The following PLEKHA6 variants were observed in gnomAD, a reference collection of about 807,000 sequenced individuals.
PLEKHA6 encodes pleckstrin homology domain-containing family A member 6.
A neutral mutation model predicts 116.7 loss-of-function variants in PLEKHA6; 60 were observed. That is an observed-to-expected ratio of 0.51 (90% CI 0.42 to 0.64). The LOEUF (loss-of-function observed/expected upper bound fraction) is 0.64. PLEKHA6 is among the 30% of genes least tolerant of loss of function. The probability of loss-of-function intolerance (pLI) is 0.00; values close to 1 mark genes in which losing one functional copy is unlikely to be tolerated. For synonymous variants in PLEKHA6, 489 were observed against 556.1 expected (o/e 0.88, Z 1.70); for missense variants, 1,338 against 1,422.7 (o/e 0.94, Z 0.96).
intron 1 of PLEKHA6, among the ~76,000 whole-genome samples, chr1:204,342,742 G>A (rs1237948512): frequency 5.3e-5 from 8 of 152,298 alleles, no homozygotes; most frequent in South Asian, 4.1e-4. Context: ...TATAGCCTGG[G>A]AACTTGGAGA....
At chr1:204,281,367 T>C (rs571256676) in intron 1 of PLEKHA6, among the ~76,000 whole-genome samples, 123 of 151,432 alleles carry the variant, frequency 8.1e-4, no homozygotes, top group Non-Finnish European at 1.0e-3. Flanking sequence ...CTACTAAAAA[T>C]ACAAAAAATT....
At chr1:204,360,827 G>A (rs1387225451), upstream of PLEKHA6, among the ~76,000 whole-genome samples, 2 of 152,154 alleles carry the variant, frequency 1.3e-5, no homozygotes, top group African/African-American at 4.8e-5. Flanking sequence ...CAGGATCAGA[G>A]GCAGAAGGAA....
chr1:204,259,245 C>T lies in PLEKHA6; in HGVS notation c.1007+13G>A, dbSNP rs545920110. ...ACCATATCAGCCCCACCCCAGCCGC[C>T]GGCATGCCTCACCTCCGAAGGTCTT... On this transcript the variant is annotated intron_variant, in intron 8 of 22. Transcript: ENST00000272203. This position sits in a 1 kb window ranked among gnomAD's most constrained non-coding sequence, Gnocchi z 4.6. 9.8e-5 allele frequency: 158 copies of T among 1,610,918 alleles called. No individual in the cohort carries two copies. The highest frequency in any genetic ancestry group is 1.3e-4 in the Admixed American group (8 of 59,932).
chr1:204,336,293 G>C (rs1250677193), intron 1 of PLEKHA6, among the ~76,000 whole-genome samples: 5 of 152,206 alleles, frequency 3.3e-5, no homozygotes, highest in Admixed American at 3.3e-4. Flanking sequence ...TGGTCTCCCT[G>C]CTCCCCGCAA....
intron 1 of PLEKHA6, among the ~76,000 whole-genome samples, chr1:204,355,730 A>G (rs1286359760): frequency 6.6e-6 from 1 of 152,080 alleles, no homozygotes; most frequent in Non-Finnish European, 1.5e-5. Context: ...ATGAGCCACT[A>G]TTCCTGGCCA....
intron 1 of PLEKHA6, among the ~76,000 whole-genome samples, chr1:204,337,714 C>T (rs984262290): frequency 6.8e-6 from 1 of 146,262 alleles, no homozygotes; most frequent in African/African-American, 2.8e-5. Flanking sequence ...CGGTCTCTCA[C>T]TTGGGGGGGG....
At chr1:204,299,759 T>C (rs1320242620) in intron 1 of PLEKHA6, 2 of 333,392 alleles carry the variant, frequency 6.0e-6, no homozygotes, top group African/African-American at 4.5e-5. Context: ...CATGAGCTAA[T>C]GTCCCCTTTA....
At chr1:204,332,530 C>T (rs191695321) in intron 1 of PLEKHA6, among the ~76,000 whole-genome samples, 339 of 152,280 alleles carry the variant, frequency 2.2e-3, no homozygotes, top group African/African-American at 7.7e-3. Context: ...TACAGGAACG[C>T]GCCACCATGC....
chr1:204,375,927 T>TTTTTTTTTTTTTTTTTGAGACG (rs1405738876), intron 1 of PLEKHA6, among the ~76,000 whole-genome samples: 4 of 150,692 alleles, frequency 2.7e-5, no homozygotes, highest in South Asian at 2.1e-4. Flanking sequence ...CTTTCACTCT[T>TTTTTTTTTTTTTTTTTGAGACG]GTCTCTCCTC....
At chr1:204,335,501 C>T (rs1290435934) in intron 1 of PLEKHA6, among the ~76,000 whole-genome samples, 1 of 152,242 alleles carries the variant, frequency 6.6e-6, no homozygotes, top group Non-Finnish European at 1.5e-5. Context: ...GATCCCATCT[C>T]TCAAAGGCAT....
chr1:204,271,535 A>C (rs116789875), intron 3 of PLEKHA6, among the ~76,000 whole-genome samples: 149 of 152,288 alleles, frequency 9.8e-4, no homozygotes, highest in African/African-American at 3.4e-3. Flanking sequence ...CAAATCTCTA[A>C]ATCCTTCCCT....
At chr1:204,233,416 C>T (rs1048239998) in intron 17 of PLEKHA6, among the ~76,000 whole-genome samples, 1 of 149,910 alleles carries the variant, frequency 6.7e-6, no homozygotes, top group African/African-American at 2.5e-5. Context: ...TCTCAGCTGA[C>T]TGCCACCTCT....
chr1:204,250,421 A>C, intron 10 of PLEKHA6, 125 bp downstream of exon 10: 1 of 709,428 alleles, frequency 1.4e-6, no homozygotes, highest in Non-Finnish European at 2.6e-6. Context: ...AGCCACCAGA[A>C]GGAGAGAGAT....
Position 204,228,292 on chromosome 1 carries a change from G to T in PLEKHA6, c.2886-64C>A, listed in dbSNP as rs776350610. The T allele has an allele frequency of 1.5e-5, 23 of 1,493,498 alleles. No homozygotes were observed. In the Admixed American group the frequency reaches 4.4e-4, roughly 28 times the overall value. The allele number at this position is 1,493,498 out of a possible 1,614,324, so 92.5% of individuals were successfully genotyped here. ...AGGATGGTCCAAGTGGCTTGAGGGG[G>T]CCTGCGGACTGAGGTTGGCAGGGAG... On this transcript the variant is annotated intron_variant, in intron 20 of 22. Transcript: ENST00000272203. This position sits in a 1 kb window ranked among gnomAD's most constrained non-coding sequence, Gnocchi z 4.0.
chr1:204,243,997 T>C lies in PLEKHA6; in HGVS notation c.2172+867A>G, dbSNP rs1663240919. On this transcript the variant is annotated intron_variant, in intron 15 of 22. Transcript: ENST00000272203. The stretch of plus-strand genomic sequence containing the variant: ...CACCACGCCCGGCTAATTTTTTGTA[T>C]TTTTTAGTAGAGACAGGGTTTCACT... Among the ~76,000 whole-genome samples the C allele has an allele frequency of 2.0e-5, 3 of 151,618 alleles. No homozygotes were observed. In the South Asian group the frequency reaches 6.3e-4, roughly 32 times the overall value.
chr1:204,313,637 T>C (rs1671746733), intron 1 of PLEKHA6: 6 of 984,890 alleles, frequency 6.1e-6, no homozygotes, highest in Non-Finnish European at 6.0e-6. Context: ...AAGGAAATCA[T>C]ATGATTCTCC....
intron 1 of PLEKHA6, chr1:204,275,091 CA>C: frequency 4.6e-6 from 1 of 217,934 alleles, no homozygotes; most frequent in Non-Finnish European, 7.8e-6. Context: ...TGAACTCTTT[CA>C]GTGGTTATCC....
chr1:204,287,314 G>A (rs12061824), intron 1 of PLEKHA6, among the ~76,000 whole-genome samples: 4,240 of 150,766 alleles, frequency 0.028, 207 homozygotes, highest in African/African-American at 0.097. Context: ...AAGCCAGTGC[G>A]TCCACCTCCT....
chr1:204,230,312 C>T, intron 18 of PLEKHA6, 101 bp downstream of exon 18: 1 of 961,990 alleles, frequency 1.0e-6, no homozygotes, highest in South Asian at 1.9e-5. Flanking sequence ...TTCCCCTCTC[C>T]TTCCTCTCAA....
Sources: allele counts gnomAD v4.1 joint callset (sites outside exome capture counted in the v4.1 genomes callset), GRCh38; gene constraint gnomAD v4.1.1; non-coding constraint Gnocchi (gnomAD v3.1); transcripts MANE v1.5; gene names NCBI Gene and HGNC (gene_info 2026-07-23, HGNC 2026-07-21).